Variants in LAMA4 observed in about 807,000 individuals in gnomAD.
The protein encoded by LAMA4 is laminin subunit alpha-4.
Under a neutral mutation model 207.1 loss-of-function variants are expected in LAMA4, and 127 were observed. The observed-to-expected ratio is 0.61, with a 90% confidence interval of 0.53 to 0.71. The LOEUF (loss-of-function observed/expected upper bound fraction) is 0.71. LAMA4 is among the 30% of genes least tolerant of loss of function. The pLI is 0.00. For synonymous variants in LAMA4, 761 were observed against 816.0 expected, an observed-to-expected ratio of 0.93 and a Z score of 1.15; for missense variants, 2,093 against 2,246.5, an observed-to-expected ratio of 0.93 and a Z score of 1.38.
At chr6:112,134,034 T>C (rs542570249) in intron 26 of LAMA4, among the ~76,000 whole-genome samples, 1 of 152,210 alleles carries the variant, frequency 6.6e-6, no homozygotes, top group Non-Finnish European at 1.5e-5. Context: ...TAGGGGAGTG[T>C]CTTAATGTTT....
intron 18 of LAMA4, among the ~76,000 whole-genome samples, chr6:112,146,707 A>G (rs1359930406): frequency 6.6e-6 from 1 of 152,250 alleles, no homozygotes; most frequent in East Asian, 1.9e-4. Context: ...ATGTCAGTGC[A>G]GATCAAGGAA....
intron 2 of LAMA4, chr6:112,234,282 A>G (rs1324903540): frequency 5.9e-5 from 9 of 152,150 alleles, no homozygotes; most frequent in African/African-American, 2.2e-4. Context: ...TAATGAACTT[A>G]GAACCTATCA....
intron 37 of LAMA4, 100 bp from the exon 38 acceptor site, chr6:112,114,295 A>G: frequency 8.3e-7 from 1 of 1,204,756 alleles, no homozygotes; most frequent in Non-Finnish European, 1.2e-6. Flanking sequence ...TATTTATTCC[A>G]GAATAAAACC....
intron 4 of LAMA4, among the ~76,000 whole-genome samples, chr6:112,203,526 T>C (rs1431653511): frequency 1.3e-5 from 2 of 152,226 alleles, no homozygotes; most frequent in Non-Finnish European, 2.9e-5. Context: ...ATTTGATTAG[T>C]ATTTGAGATT....
intron 2 of LAMA4, among the ~76,000 whole-genome samples, chr6:112,231,388 C>G (rs1785550812): frequency 6.6e-6 from 1 of 152,176 alleles, no homozygotes; most frequent in African/African-American, 2.4e-5. Flanking sequence ...TCCTCAGAGA[C>G]AGCCCATTAG....
At chr6:112,143,770 A>C (rs1480276531) in intron 19 of LAMA4, among the ~76,000 whole-genome samples, 1 of 152,240 alleles carries the variant, frequency 6.6e-6, no homozygotes, top group East Asian at 1.9e-4. Flanking sequence ...TTAAGGTCCC[A>C]AAGTCATACT....
chr6:112,246,535 T>A (rs1220750214), intron 2 of LAMA4, among the ~76,000 whole-genome samples: 1 of 151,724 alleles, frequency 6.6e-6, no homozygotes, highest in Non-Finnish European at 1.5e-5. Flanking sequence ...TTTTTTTTTT[T>A]TTTGAGATAG....
intron 14 of LAMA4, 169 bp from the exon 15 acceptor site, chr6:112,155,875 C>A (rs116018792): frequency 1.1e-5 from 8 of 732,952 alleles, no homozygotes; most frequent in African/African-American, 1.7e-5. Flanking sequence ...CCTCTGCATT[C>A]TTCTGTCTTT....
chr6:112,197,005 G>A (rs781928385), intron 5 of LAMA4, among the ~76,000 whole-genome samples: 10 of 152,072 alleles, frequency 6.6e-5, no homozygotes, highest in Non-Finnish European at 1.0e-4. Context: ...AAATTATGTC[G>A]CATTTCTTCC....
At position 112,120,167 on chromosome 6, in the gene LAMA4, G is replaced by A. The variant is rs1778264336; in HGVS notation, c.4665+116C>T. 8.4e-6 allele frequency: 7 copies of A among 829,172 alleles called. No individual in the cohort carries two copies. In the South Asian group the frequency reaches 1.2e-4, roughly 14 times the overall value. 51.4% of individuals were successfully genotyped at this position (829,172 alleles called of 1,614,324 possible). A position where few individuals can be genotyped will look rare whatever the true frequency, so the allele number is the denominator to read the frequency against. On this transcript the variant is annotated intron_variant, in intron 33 of 38. Transcript: ENST00000230538. ...AATTTTTTGAAATTGAATTCTGAGT[G>A]TGCAGCAGCAGAATTTTAAAATGGA...
At chr6:112,197,473 T>C (rs1385010662) in intron 5 of LAMA4, among the ~76,000 whole-genome samples, 3 of 152,244 alleles carry the variant, frequency 2.0e-5, no homozygotes, top group Non-Finnish European at 4.4e-5. Context: ...AGCATTTTCA[T>C]GTAATACCCC....
rs556084402 is a variant in LAMA4 at position 112,183,999 on chromosome 6, T to A, written c.1077+1238A>T. 6.9e-4 allele frequency among the ~76,000 whole-genome samples: 103 copies of A among 149,758 alleles called. No homozygotes were observed. In the South Asian group the frequency reaches 0.021, roughly 30 times the overall value. On this transcript the variant is annotated intron_variant, in intron 9 of 38. Transcript: ENST00000230538. Reference sequence around the variant, plus strand: ...AAAGAATTAAGATAGTTTTAGCAAGTTTCAACCATATCTGATACCAACATG... The same window carrying A: ...AAAGAATTAAGATAGTTTTAGCAAGATTCAACCATATCTGATACCAACATG...
At chr6:112,111,236 G>C (rs1005889660) in intron 38 of LAMA4, among the ~76,000 whole-genome samples, 2 of 152,058 alleles carry the variant, frequency 1.3e-5, no homozygotes, top group Non-Finnish European at 2.9e-5. Flanking sequence ...TAGAGATGGG[G>C]TTTTGCCATG....
In LAMA4 at chr6:112,234,377, T is replaced by A. The variant is rs569086824; in HGVS notation, c.196-17908A>T. 6 of 152,236 alleles carry A rather than the reference T, an allele frequency of 3.9e-5. No homozygotes were observed. The South Asian group carries it at 1.2e-3, about 32-fold the overall frequency. 9.4% of individuals were successfully genotyped at this position (152,236 alleles called of 1,614,324 possible). On this transcript the variant is annotated intron_variant, in intron 2 of 38. Coordinates refer to ENST00000230538, the MANE Select transcript of LAMA4 (RefSeq NM_001105206.3). ...TGACAGTAGGTTTATGTCATAGGTTTATGACAGCTACTCAGTGACTAGCTG... is the reference window on the plus strand; with the variant it reads ...TGACAGTAGGTTTATGTCATAGGTTAATGACAGCTACTCAGTGACTAGCTG...
In LAMA4 at chr6:112,228,529, T is replaced by C. The variant is rs531768376; in HGVS notation, c.196-12060A>G. Among the ~76,000 whole-genome samples, 61 of 152,240 alleles carry C rather than the reference T, an allele frequency of 4.0e-4. No individual in the cohort carries two copies. In the Middle Eastern group the frequency reaches 0.014, roughly 34 times the overall value. ...AAGAAGAGAATTAGAGTTTACCGAATTGTGGGCAGGTTAAGGGAGCAAGGA... is the reference window on the plus strand; with the variant it reads ...AAGAAGAGAATTAGAGTTTACCGAACTGTGGGCAGGTTAAGGGAGCAAGGA... On this transcript the variant is annotated intron_variant, in intron 2 of 38. Transcript: ENST00000230538.
chr6:112,167,439 A>G (rs1781444481), intron 12 of LAMA4, among the ~76,000 whole-genome samples: 1 of 152,220 alleles, frequency 6.6e-6, no homozygotes, highest in African/African-American at 2.4e-5. Context: ...TTTGTTTTCT[A>G]AAACACAGAG....
chr6:112,247,472 C>G (rs1787067975), intron 2 of LAMA4, among the ~76,000 whole-genome samples: 1 of 152,174 alleles, frequency 6.6e-6, no homozygotes, highest in African/African-American at 2.4e-5. Flanking sequence ...TTTGAGTCAG[C>G]AATTTCACTT....
chr6:112,192,855 G>A (rs1213597286), intron 5 of LAMA4, among the ~76,000 whole-genome samples: 2 of 152,232 alleles, frequency 1.3e-5, no homozygotes, highest in Non-Finnish European at 2.9e-5. Flanking sequence ...CTGTTACTAG[G>A]CTCAAGTTGA....
intron 19 of LAMA4, 115 bp downstream of exon 19, chr6:112,144,679 C>T: frequency 8.2e-7 from 1 of 1,222,844 alleles, no homozygotes; most frequent in Non-Finnish European, 1.2e-6. Flanking sequence ...CTGAGAACTA[C>T]TGAGTTGGAG....
Sources: allele counts gnomAD v4.1 joint callset (sites outside exome capture counted in the v4.1 genomes callset), GRCh38; gene constraint gnomAD v4.1.1; transcripts MANE v1.5; gene names NCBI Gene and HGNC (gene_info 2026-07-23, HGNC 2026-07-21).